Variants in PCCB observed in about 807,000 individuals in gnomAD.
PCCB encodes the protein propionyl-CoA carboxylase beta chain, mitochondrial.
A neutral mutation model predicts 60.7 loss-of-function variants in PCCB; 43 were observed. The observed-to-expected ratio is 0.71, with a 90% confidence interval of 0.55 to 0.91. PCCB has a LOEUF of 0.91. Ranked by LOEUF, PCCB falls within the 40% of genes least tolerant of loss-of-function variation. The pLI, the probability that PCCB is intolerant of heterozygous loss-of-function variation, is 0.00. For missense variants in PCCB, 766 were observed against 702.8 expected (o/e 1.09, Z -1.02); for synonymous variants, 276 against 255.9 (o/e 1.08, Z -0.75).
intron 3 of PCCB, chr3:136,259,060 T>G: frequency 1.1e-6 from 1 of 944,270 alleles, no homozygotes; most frequent in Non-Finnish European, 1.4e-6. Flanking sequence ...TGAGGGGGTT[T>G]TAGGAGAGGT....
intron 6 of PCCB, among the ~76,000 whole-genome samples, chr3:136,290,117 CTCTT>C (rs371850823): frequency 6.6e-5 from 10 of 152,158 alleles, no homozygotes; most frequent in South Asian, 2.1e-4. Flanking sequence ...TTCTTGAATG[CTCTT>C]TCTTTCTTTA....
At chr3:136,267,389 C>T (rs923299494) in intron 5 of PCCB, among the ~76,000 whole-genome samples, 2 of 151,598 alleles carry the variant, frequency 1.3e-5, no homozygotes, top group Admixed American at 1.3e-4. Context: ...GAGATGGGGT[C>T]TTACTACATT....
intron 8 of PCCB, 90 bp from the exon 9 acceptor site, chr3:136,300,940 G>GT (rs1486852231): frequency 4.5e-6 from 4 of 895,984 alleles, no homozygotes; most frequent in East Asian, 4.8e-5. Flanking sequence ...TCCCTATGAC[G>GT]TGTCACCCCA....
At chr3:136,274,779 T>G (rs977322764) in intron 5 of PCCB, among the ~76,000 whole-genome samples, 7 of 152,234 alleles carry the variant, frequency 4.6e-5, no homozygotes, top group Admixed American at 4.6e-4. Context: ...TTTGGTTGTT[T>G]TACATAATCC....
intron 6 of PCCB, among the ~76,000 whole-genome samples, chr3:136,288,678 T>C (rs1348042192): frequency 6.8e-6 from 1 of 148,026 alleles, no homozygotes; most frequent in Non-Finnish European, 1.5e-5. Context: ...CTCACTCTGT[T>C]GCCCAGGCTG....
intron 3 of PCCB, among the ~76,000 whole-genome samples, chr3:136,257,253 T>C (rs537168251): frequency 6.6e-6 from 1 of 152,114 alleles, no homozygotes; most frequent in South Asian, 2.1e-4. Context: ...GAGGAGCTTA[T>C]AAGGATGTGA....
rs551204572 is a variant in PCCB at position 136,323,811 on chromosome 3, A to AAAG, written c.1091-2990_1091-2989insGAA. Among the ~76,000 whole-genome samples the AAAG allele has an allele frequency of 4.1e-4, 62 of 151,812 alleles. 1 individual carries two copies. Among genetic ancestry groups the AAAG allele is most frequent in the African/African-American group, 1.4e-3 (60 of 41,382 alleles). ...CAGAAACAAAACAAAACATCTCAAA[A>AAAG]AAAAAAAAAAAACCCACTAGTAGTG... On this transcript the variant is annotated intron_variant, in intron 10 of 14. Coordinates refer to ENST00000251654, the MANE Select transcript of PCCB (RefSeq NM_000532.5).
chr3:136,276,673 C>T (rs535006182), intron 5 of PCCB, among the ~76,000 whole-genome samples: 25 of 152,178 alleles, frequency 1.6e-4, no homozygotes, highest in Non-Finnish European at 2.2e-4. Context: ...TGCCAAGCTC[C>T]TGTGGAGAAG....
At chr3:136,308,774 C>T (rs973684129) in intron 9 of PCCB, among the ~76,000 whole-genome samples, 3 of 152,040 alleles carry the variant, frequency 2.0e-5, no homozygotes, top group Admixed American at 1.3e-4. Context: ...TTTGTAGCAA[C>T]TAAAACAAAA....
chr3:136,289,745 G>A (rs1018555102), intron 6 of PCCB, among the ~76,000 whole-genome samples: 1 of 145,546 alleles, frequency 6.9e-6, no homozygotes, highest in Non-Finnish European at 1.5e-5. Flanking sequence ...TTTTAATTGA[G>A]CATTCTATAT....
intron 5 of PCCB, among the ~76,000 whole-genome samples, chr3:136,268,087 GATATATAT>G (rs61160895): frequency 0.017 from 1,566 of 93,756 alleles, 62 homozygotes; most frequent in African/African-American, 0.068. Context: ...TGTGTGTGTA[GATATATAT>G]ATATATATAT....
intron 13 of PCCB, 142 bp downstream of exon 13, chr3:136,327,874 G>A: frequency 1.4e-6 from 1 of 723,120 alleles, no homozygotes; most frequent in Admixed American, 2.0e-5. Flanking sequence ...CCTAGACCTT[G>A]GTAAGTCTCC....
chr3:136,301,868 A>G (rs1429565712), intron 9 of PCCB, among the ~76,000 whole-genome samples: 1 of 152,186 alleles, frequency 6.6e-6, no homozygotes, highest in East Asian at 1.9e-4. Context: ...GAGCCTTTGC[A>G]GGGGCACGTG....
At chr3:136,260,844 A>T (rs117447517) in intron 4 of PCCB, among the ~76,000 whole-genome samples, 1,758 of 152,324 alleles carry the variant, frequency 0.012, 31 homozygotes, top group East Asian at 0.047. Flanking sequence ...TTTAATAACA[A>T]GATTTAGCAG....
intron 5 of PCCB, among the ~76,000 whole-genome samples, chr3:136,280,279 C>G (rs2108176334): frequency 6.6e-6 from 1 of 152,282 alleles, no homozygotes; most frequent in Non-Finnish European, 1.5e-5. Context: ...TCTTAATTTT[C>G]CCTTCTTTCT....
chr3:136,309,817 T>C (rs1934591944), intron 9 of PCCB, among the ~76,000 whole-genome samples: 1 of 149,516 alleles, frequency 6.7e-6, no homozygotes, highest in Non-Finnish European at 1.5e-5. Context: ...AAAAAAAAAT[T>C]CTAAGAGACA....
chr3:136,263,253 G>GGTT, intron 5 of PCCB, among the ~76,000 whole-genome samples: 1 of 23,358 alleles, frequency 4.3e-5, no homozygotes, highest in South Asian at 2.8e-3. Flanking sequence ...GCGCCCAGCT[G>GGTT]GTTTTTTTTT....
chr3:136,316,894 T>G, intron 9 of PCCB, 47 bp from the exon 10 acceptor site: 2 of 1,605,178 alleles, frequency 1.2e-6, no homozygotes, highest in Non-Finnish European at 1.7e-6. Flanking sequence ...TTACATCTTA[T>G]ACTTGTCTTT....
intron 5 of PCCB, among the ~76,000 whole-genome samples, chr3:136,270,886 T>C (rs1209747324): frequency 6.6e-6 from 1 of 152,186 alleles, no homozygotes; most frequent in Non-Finnish European, 1.5e-5. Flanking sequence ...ATTTTCCTGA[T>C]AGTGATGTGA....
Sources: gnomAD v4.1 joint callset for allele counts (sites outside exome capture counted in the v4.1 genomes callset) on GRCh38, gnomAD v4.1.1 for gene constraint, MANE v1.5 for transcripts, NCBI Gene and HGNC (gene_info 2026-07-23, HGNC 2026-07-21) for gene names.